Variants in XNDC1N observed in about 807,000 individuals in gnomAD.
XNDC1N encodes protein XNDC1N.
At chr11:71,867,363 G>A in the XNDC1N span, among the ~76,000 whole-genome samples, 2 of 152,204 alleles carry the variant, frequency 1.3e-5, no homozygotes, top group African/African-American at 4.8e-5. Context: ...CCAGTCAGGA[G>A]GTCATGACAA....
chr11:71,903,566 C>A, the XNDC1N span: 8 of 676,914 alleles, frequency 1.2e-5, no homozygotes, highest in South Asian at 1.1e-4. Flanking sequence ...CAGTTTGTAG[C>A]CATCTGTCAC....
At chr11:71,901,299 C>T in the XNDC1N span, among the ~76,000 whole-genome samples, 1 of 152,078 alleles carries the variant, frequency 6.6e-6, no homozygotes, top group Non-Finnish European at 1.5e-5. Context: ...CCTCTGAGCT[C>T]TGCTTAAAGC....
chr11:71,885,310 C>G, the XNDC1N span, among the ~76,000 whole-genome samples: 32 of 152,146 alleles, frequency 2.1e-4, no homozygotes, highest in African/African-American at 7.7e-4. Flanking sequence ...TTCTTCCCTC[C>G]AGGATCATGG....
chr11:71,927,269 C>G, the XNDC1N span, among the ~76,000 whole-genome samples: 1 of 152,148 alleles, frequency 6.6e-6, no homozygotes, highest in African/African-American at 2.4e-5. Context: ...CACAGTGGTT[C>G]ACACCTGTAA....
the XNDC1N span, among the ~76,000 whole-genome samples, chr11:71,891,823 C>A: frequency 6.6e-6 from 1 of 151,974 alleles, no homozygotes; most frequent in Admixed American, 6.6e-5. Flanking sequence ...ACACCCCCCA[C>A]GATGACGGGA....
At chr11:71,892,029 AT>A in the XNDC1N span, among the ~76,000 whole-genome samples, 1 of 152,070 alleles carries the variant, frequency 6.6e-6, no homozygotes, top group East Asian at 1.9e-4. Flanking sequence ...TTCCCTGGAT[AT>A]TAGGAACAAT....
chr11:71,897,029 A>G, the XNDC1N span, among the ~76,000 whole-genome samples: 46 of 151,880 alleles, frequency 3.0e-4, 1 homozygote, highest in East Asian at 1.2e-3. Flanking sequence ...ATTTCCACAT[A>G]CAGAAGAATG....
chr11:71,885,937 G>C, the XNDC1N span, among the ~76,000 whole-genome samples: 1 of 141,062 alleles, frequency 7.1e-6, no homozygotes, highest in Non-Finnish European at 1.5e-5. Flanking sequence ...TATCGGTATT[G>C]ATTTTTAAAA....
At chr11:71,890,235 C>T in the XNDC1N span, among the ~76,000 whole-genome samples, 1 of 152,326 alleles carries the variant, frequency 6.6e-6, no homozygotes, top group East Asian at 1.9e-4. Flanking sequence ...GGTTGATGTA[C>T]ACCCACTGCT....
At chr11:71,885,155 C>T in the XNDC1N span, among the ~76,000 whole-genome samples, 4,887 of 151,148 alleles carry the variant, frequency 0.032, 263 homozygotes, top group African/African-American at 0.12. Flanking sequence ...TCATCTTCTT[C>T]CTCCCTGAAT....
the XNDC1N span, among the ~76,000 whole-genome samples, chr11:71,913,456 C>G: frequency 6.6e-6 from 1 of 151,926 alleles, no homozygotes; most frequent in Non-Finnish European, 1.5e-5. Context: ...GTCACAAGAT[C>G]GAGACCAGCC....
At chr11:71,873,410 T>C in the XNDC1N span, among the ~76,000 whole-genome samples, 1 of 152,254 alleles carries the variant, frequency 6.6e-6, no homozygotes. Flanking sequence ...TCTCTATGTA[T>C]GAATTTGGGA....
the XNDC1N span, among the ~76,000 whole-genome samples, chr11:71,877,019 A>C: frequency 6.6e-6 from 1 of 152,240 alleles, no homozygotes; most frequent in Non-Finnish European, 1.5e-5. Context: ...AGGAAAAAAC[A>C]TCTCCAGAGC....
the XNDC1N span, among the ~76,000 whole-genome samples, chr11:71,915,892 A>G: frequency 4.5e-4 from 68 of 152,236 alleles, no homozygotes; most frequent in Non-Finnish European, 8.5e-4. Context: ...CGTGTGAGAC[A>G]GGGAAGGAGA....
chr11:71,892,557 C>G, the XNDC1N span, among the ~76,000 whole-genome samples: 5 of 152,220 alleles, frequency 3.3e-5, no homozygotes, highest in South Asian at 4.1e-4. Context: ...CTTTCAGGAG[C>G]AGTATCTCCC....
At chr11:71,910,166 C>G in the XNDC1N span, among the ~76,000 whole-genome samples, 3 of 152,200 alleles carry the variant, frequency 2.0e-5, no homozygotes, top group Admixed American at 6.5e-5. Context: ...ACACTCCCCT[C>G]CTGCCTGTTC....
At chr11:71,906,057 G>T in the XNDC1N span, among the ~76,000 whole-genome samples, 2 of 151,910 alleles carry the variant, frequency 1.3e-5, no homozygotes, top group South Asian at 2.1e-4. Flanking sequence ...ATATCACAAG[G>T]TGTACACGCA....
At chr11:71,900,282 G>T in the XNDC1N span, among the ~76,000 whole-genome samples, 2 of 152,198 alleles carry the variant, frequency 1.3e-5, no homozygotes, top group Non-Finnish European at 2.9e-5. Context: ...GCTCACTGTT[G>T]TTTCTCTATA....
the XNDC1N span, among the ~76,000 whole-genome samples, chr11:71,913,483 A>AC: frequency 1.3e-5 from 2 of 151,550 alleles, no homozygotes; most frequent in Non-Finnish European, 1.5e-5. Context: ...ATATGTTAAA[A>AC]CCCCATCTCT....
Sources: gnomAD v4.1 joint callset for allele counts (sites outside exome capture counted in the v4.1 genomes callset) on GRCh38, gnomAD v4.1.1 for gene constraint, MANE v1.5 for transcripts, NCBI Gene and HGNC (gene_info 2026-07-23, HGNC 2026-07-21) for gene names.